The following ENPP3 variants were observed in gnomAD, a reference collection of about 807,000 sequenced individuals.
The protein encoded by ENPP3 is ectonucleotide pyrophosphatase/phosphodiesterase 3.
A neutral mutation model predicts 117.8 loss-of-function variants in ENPP3; 104 were observed. The observed-to-expected ratio is 0.88, with a 90% CI of 0.75 to 1.04. The LOEUF is 1.04. Ranked by LOEUF, ENPP3 falls within the 50% of genes least tolerant of loss-of-function variation. The pLI, the probability that ENPP3 is intolerant of heterozygous loss-of-function variation, is 0.00. For missense variants in ENPP3, 1,026 were observed against 1,051.9 expected (o/e 0.98, Z 0.34); for synonymous variants, 380 against 349.9 (o/e 1.09, Z -0.96).
intron 14 of ENPP3, among the ~76,000 whole-genome samples, chr6:131,688,205 T>G (rs1048606004): frequency 5.9e-5 from 9 of 152,178 alleles, no homozygotes; most frequent in African/African-American, 2.2e-4. Context: ...ATGGCAAACT[T>G]AACAGATAAA....
chr6:131,650,231 T>A (rs1474287556), intron 3 of ENPP3, 82 bp downstream of exon 3: 1 of 1,489,356 alleles, frequency 6.7e-7, no homozygotes, highest in Non-Finnish European at 9.3e-7. Context: ...TTTCTTTCCT[T>A]TTTTTTGAGA....
intron 14 of ENPP3, among the ~76,000 whole-genome samples, chr6:131,690,217 T>C (rs1214706502): frequency 6.6e-6 from 1 of 152,182 alleles, no homozygotes; most frequent in Non-Finnish European, 1.5e-5. Flanking sequence ...AGTTCTACTG[T>C]GGGTAAAATG....
At chr6:131,718,574 T>G in intron 15 of ENPP3, 98 bp from the exon 16 acceptor site, 1 of 530,196 alleles carries the variant, frequency 1.9e-6, no homozygotes, top group South Asian at 4.6e-5. Context: ...AAAATTTACT[T>G]ATAAAATTTA....
At chr6:131,660,865 C>T (rs1225038142) in intron 6 of ENPP3, among the ~76,000 whole-genome samples, 1 of 152,078 alleles carries the variant, frequency 6.6e-6, no homozygotes, top group Non-Finnish European at 1.5e-5. Context: ...AACTTCATAT[C>T]CATTGATTAA....
At chr6:131,681,922 C>G (rs901449224) in intron 11 of ENPP3, among the ~76,000 whole-genome samples, 2 of 152,060 alleles carry the variant, frequency 1.3e-5, no homozygotes, top group East Asian at 3.9e-4. Context: ...TCACTGCCCC[C>G]CTGGGGTTCA....
intron 5 of ENPP3, among the ~76,000 whole-genome samples, chr6:131,655,038 G>T (rs1778356625): frequency 6.6e-6 from 1 of 152,334 alleles, no homozygotes; most frequent in Non-Finnish European, 1.5e-5. Flanking sequence ...GAGGGAATAT[G>T]CTTGGTGAGC....
chr6:131,655,215 A>T (rs985842232), intron 5 of ENPP3, among the ~76,000 whole-genome samples: 2 of 152,210 alleles, frequency 1.3e-5, no homozygotes, highest in African/African-American at 2.4e-5. Flanking sequence ...CATGGTTCAA[A>T]TTACACAGTC....
At chr6:131,735,396 A>G (rs926006030) in intron 21 of ENPP3, among the ~76,000 whole-genome samples, 24 of 152,210 alleles carry the variant, frequency 1.6e-4, no homozygotes, top group African/African-American at 5.5e-4. Flanking sequence ...ACCATATGAA[A>G]TCTGAAGAAA....
chr6:131,672,813 C>T (rs763318248), intron 7 of ENPP3, among the ~76,000 whole-genome samples: 1 of 151,462 alleles, frequency 6.6e-6, no homozygotes, highest in Non-Finnish European at 1.5e-5. Flanking sequence ...AATAATGACC[C>T]TAAAATCTAT....
chr6:131,671,954 T>C (rs2114376823), intron 7 of ENPP3, among the ~76,000 whole-genome samples: 1 of 152,364 alleles, frequency 6.6e-6, no homozygotes, highest in Admixed American at 6.5e-5. Flanking sequence ...TGTGTCTTCA[T>C]TACTTTGAGT....
intron 20 of ENPP3, among the ~76,000 whole-genome samples, chr6:131,731,783 T>C (rs1277203949): frequency 6.6e-6 from 1 of 152,246 alleles, no homozygotes. Context: ...ATCACGTTAT[T>C]ATTTATCTGA....
intron 6 of ENPP3, 99 bp from the exon 7 acceptor site, chr6:131,671,149 T>A: frequency 1.3e-6 from 1 of 758,446 alleles, no homozygotes; most frequent in African/African-American, 1.8e-5. Context: ...TTTTAGTTTG[T>A]TTTTTATTTT....
intron 11 of ENPP3, among the ~76,000 whole-genome samples, chr6:131,678,907 C>CTT (rs1335245559): frequency 1.3e-4 from 9 of 71,760 alleles, no homozygotes; most frequent in South Asian, 9.6e-4. Context: ...CTTTCTTTCT[C>CTT]TCTTTCTTTC....
At chr6:131,638,391 T>C in intron 1 of ENPP3, 1 of 370,576 alleles carries the variant, frequency 2.7e-6, no homozygotes, top group Non-Finnish European at 5.2e-6. Flanking sequence ...ATCTAAGATC[T>C]CTTAAGAAAT....
intron 21 of ENPP3, 79 bp downstream of exon 21, chr6:131,733,802 C>T: frequency 6.9e-7 from 1 of 1,451,856 alleles, no homozygotes; most frequent in Non-Finnish European, 9.5e-7. Flanking sequence ...TAAACATATA[C>T]TCCCCACCAA....
intron 6 of ENPP3, among the ~76,000 whole-genome samples, chr6:131,658,867 A>C (rs553650690): frequency 6.6e-6 from 1 of 152,272 alleles, no homozygotes; most frequent in East Asian, 1.9e-4. Flanking sequence ...TTCTGGAATC[A>C]AACTGCCTAC....
intron 11 of ENPP3, among the ~76,000 whole-genome samples, chr6:131,678,938 T>C (rs1348017163): frequency 1.1e-4 from 10 of 89,950 alleles, no homozygotes; most frequent in African/African-American, 8.2e-4. Flanking sequence ...TCTTTCTTTC[T>C]TTCTTTCTTT....
chr6:131,698,089 G>T (rs1171255843), intron 15 of ENPP3, among the ~76,000 whole-genome samples: 1 of 152,064 alleles, frequency 6.6e-6, no homozygotes, highest in Non-Finnish European at 1.5e-5. Context: ...ATAAGATTAG[G>T]GGTATGTGTG....
chr6:131,645,974 T>C (rs1778145617), intron 2 of ENPP3, among the ~76,000 whole-genome samples: 1 of 152,212 alleles, frequency 6.6e-6, no homozygotes, highest in Non-Finnish European at 1.5e-5. Flanking sequence ...AACTCCATTT[T>C]CTCTTTCACT....
Sources: gnomAD v4.1 joint callset for allele counts (sites outside exome capture counted in the v4.1 genomes callset) on GRCh38, gnomAD v4.1.1 for gene constraint, MANE v1.5 for transcripts, NCBI Gene and HGNC (gene_info 2026-07-23, HGNC 2026-07-21) for gene names.